SLC9C2: variants seen among roughly 807,000 people sequenced by gnomAD.
SLC9C2 encodes sodium/hydrogen exchanger 11.
Under a neutral mutation model 140.2 loss-of-function variants are expected in SLC9C2, and 75 were observed. That is an observed-to-expected ratio of 0.53 (90% CI 0.44 to 0.65). SLC9C2 has a LOEUF of 0.65. SLC9C2 is among the 30% of genes least tolerant of loss of function. The pLI is 0.00. For synonymous variants in SLC9C2, 375 were observed against 420.9 expected (o/e 0.89, Z 1.34); for missense variants, 1,074 against 1,331.8 (o/e 0.81, Z 3.01).
In SLC9C2 at chr1:173,582,001, A is replaced by C; in HGVS notation, c.648T>G (p.His216Gln). 1 of 1,523,282 alleles carries C rather than the reference A, an allele frequency of 6.6e-7. No individual in the cohort carries two copies. The highest frequency in any genetic ancestry group is 8.8e-7 in the Non-Finnish European group (1 of 1,131,726). The allele number at this position is 1,523,282 out of a possible 1,614,324, so 94.4% of individuals were successfully genotyped here. A position where few individuals can be genotyped will look rare whatever the true frequency, so the allele number is the denominator to read the frequency against. The change falls in exon 7 of 28, where the codon CAT (histidine) becomes CAG (glutamine). Residue 216 changes from histidine to glutamine, a missense_variant. Physicochemically the swap from His to Gln is conservative, Grantham distance 24. Coordinates refer to ENST00000367714, the MANE Select transcript of SLC9C2 (RefSeq NM_178527.4). ...RIHFSIFRDL[H>Q]VGIELSYDIL... ...TGTCATAGCTGAGTTCAATGCCTAC[A>C]TGTAAATCTAAAAAAAAGAAAGAAA... is the stretch of plus-strand genomic sequence containing the variant.
At chr1:173,501,432 C>T (rs912536485) in intron 27 of SLC9C2, among the ~76,000 whole-genome samples, 4 of 150,056 alleles carry the variant, frequency 2.7e-5, no homozygotes, top group African/African-American at 4.9e-5. Flanking sequence ...TTTTGTAAAT[C>T]GGAATGGGAA....
At chr1:173,587,880 A>C in intron 4 of SLC9C2, 50 bp from the exon 5 acceptor site, 2 of 1,400,306 alleles carry the variant, frequency 1.4e-6, no homozygotes, top group Non-Finnish European at 2.0e-6. Context: ...TAAAGATGGC[A>C]TGATGGCATT....
intron 4 of SLC9C2, among the ~76,000 whole-genome samples, chr1:173,595,471 C>G (rs1666394532): frequency 6.6e-6 from 1 of 152,224 alleles, no homozygotes; most frequent in East Asian, 1.9e-4. Flanking sequence ...GCCAAACTAT[C>G]TTCTTAGGGT....
At chr1:173,588,265 A>G (rs1165739161) in intron 4 of SLC9C2, among the ~76,000 whole-genome samples, 1 of 152,224 alleles carries the variant, frequency 6.6e-6, no homozygotes, top group Non-Finnish European at 1.5e-5. Flanking sequence ...TAGTTGTAAA[A>G]TAAGTAGTTC....
chr1:173,577,671 T>C (rs1177258979), intron 7 of SLC9C2, among the ~76,000 whole-genome samples: 1 of 152,194 alleles, frequency 6.6e-6, no homozygotes, highest in African/African-American at 2.4e-5. Context: ...AAAATAGTTA[T>C]GACTCATACA....
At chr1:173,530,087 T>C in intron 17 of SLC9C2, 33 bp from the exon 18 acceptor site, 1 of 1,561,350 alleles carries the variant, frequency 6.4e-7, no homozygotes, top group Non-Finnish European at 8.6e-7. Context: ...AAAAAACCTG[T>C]ACATTTGATG....
intron 5 of SLC9C2, among the ~76,000 whole-genome samples, chr1:173,587,387 C>A (rs758375062): frequency 3.3e-5 from 5 of 151,988 alleles, no homozygotes; most frequent in Non-Finnish European, 7.4e-5. Context: ...AATAATAATG[C>A]CAATTTTTAT....
intron 27 of SLC9C2, among the ~76,000 whole-genome samples, chr1:173,501,505 CTTTT>C (rs35363966): frequency 3.1e-5 from 3 of 96,338 alleles, no homozygotes; most frequent in African/African-American, 8.0e-5. Flanking sequence ...TTATTTGACT[CTTTT>C]TTTTTTTTTT....
intron 3 of SLC9C2, 112 bp downstream of exon 3, chr1:173,600,005 G>T: frequency 3.3e-6 from 2 of 610,354 alleles, no homozygotes; most frequent in African/African-American, 1.9e-5. Context: ...AAAATTTTTT[G>T]AGTAGCTGTT....
In SLC9C2 at chr1:173,506,937, G is replaced by T. The variant is rs1242997552; in HGVS notation, c.3144C>A (p.Ile1048=). ...IIDNMTMKFV[I]IVYGSVIDTK... Reference sequence around the variant, plus strand: ...TATCAATTACACTGCCATACACAATGATAACAAATTTCATGGTCATATTAT... The same window carrying T: ...TATCAATTACACTGCCATACACAATTATAACAAATTTCATGGTCATATTAT... The change falls in exon 25 of 28, where the codon ATC becomes ATA. Residue 1048 remains isoleucine (I), a synonymous_variant. Coordinates refer to ENST00000367714, the MANE Select transcript of SLC9C2 (RefSeq NM_178527.4). The T allele has an allele frequency of 6.2e-7, 1 of 1,613,482 alleles. No homozygotes were observed. The highest frequency in any genetic ancestry group is 8.5e-7 in the Non-Finnish European group (1 of 1,179,762).
intron 17 of SLC9C2, among the ~76,000 whole-genome samples, chr1:173,530,452 C>T (rs985150247): frequency 2.6e-5 from 4 of 152,188 alleles, no homozygotes; most frequent in Non-Finnish European, 4.4e-5. Flanking sequence ...CTGAACAAAT[C>T]GTCTCTCTGT....
rs143109399 is a variant in SLC9C2, at chr1:173,519,007, A to G, written c.2740-1303T>C. Among the ~76,000 whole-genome samples the G allele has an allele frequency of 4.4e-3, 666 of 152,242 alleles. 5 individuals carry two copies. Among genetic ancestry groups the G allele is most frequent in the African/African-American group, 0.015 (633 of 41,538 alleles). ...TTAAGGTTGCTAATTGGCTGACCTTAAAAAGATGATTTTTGGAGTTAAGGC... is the reference window on the plus strand; with the variant it reads ...TTAAGGTTGCTAATTGGCTGACCTTGAAAAGATGATTTTTGGAGTTAAGGC... On this transcript the variant is annotated intron_variant, in intron 22 of 27. Transcript: ENST00000367714.
At chr1:173,573,148 GT>G (rs920072077) in intron 9 of SLC9C2, 33 bp downstream of exon 9, 5 of 1,422,244 alleles carry the variant, frequency 3.5e-6, no homozygotes, top group Admixed American at 2.2e-5. Context: ...GAGAATCTCA[GT>G]TTAGTAAACA....
Position 173,573,304 on chromosome 1 carries a change from A to G in SLC9C2, c.924T>C (p.Ser308=). ...AAGCATATATTAAATGTTCATATAC[A>G]GATGAAAAAATTCTTAAGAACCTAG... ...VITKFLRIFS[S]VYEHLIYAFF... The change falls in exon 9 of 28, where the codon TCT becomes TCC. Residue 308 remains serine (S), a synonymous_variant. Transcript: ENST00000367714. 6.5e-7 allele frequency: 1 copy of G among 1,531,496 alleles called. No homozygotes were observed. The highest frequency in any genetic ancestry group is 8.9e-7 in the Non-Finnish European group (1 of 1,125,298). The allele number at this position is 1,531,496 out of a possible 1,614,324, so 94.9% of individuals were successfully genotyped here. A position where few individuals can be genotyped will look rare whatever the true frequency, so the allele number is the denominator to read the frequency against.
intron 9 of SLC9C2, among the ~76,000 whole-genome samples, chr1:173,570,025 A>G (rs1011487482): frequency 6.6e-6 from 1 of 152,096 alleles, no homozygotes; most frequent in Admixed American, 6.5e-5. Context: ...CCAGCTTTTA[A>G]TGAATGCTGC....
At chr1:173,599,392 T>TTTTTTTTTG (rs1666641741) in intron 3 of SLC9C2, among the ~76,000 whole-genome samples, 1 of 139,322 alleles carries the variant, frequency 7.2e-6, no homozygotes. Flanking sequence ...TTTTTTTTTT[T>TTTTTTTTTG]GAGACGGAGT....
intron 13 of SLC9C2, among the ~76,000 whole-genome samples, chr1:173,546,410 G>C (rs6425245): frequency 6.6e-6 from 1 of 151,338 alleles, no homozygotes; most frequent in Non-Finnish European, 1.5e-5. Context: ...CCAAAACCTC[G>C]TCTGTACTAA....
chr1:173,571,338 CCT>C (rs540440689), intron 9 of SLC9C2, among the ~76,000 whole-genome samples: 253 of 152,244 alleles, frequency 1.7e-3, no homozygotes, highest in African/African-American at 5.8e-3. Flanking sequence ...CCTGCTCTCC[CCT>C]CTCTCTGTTT....
intron 9 of SLC9C2, among the ~76,000 whole-genome samples, chr1:173,565,791 T>C (rs1664430283): frequency 6.6e-6 from 1 of 152,206 alleles, no homozygotes; most frequent in Admixed American, 6.5e-5. Context: ...CTCTAGATCA[T>C]TTTAGATAGT....
Sources: allele counts gnomAD v4.1 joint callset (sites outside exome capture counted in the v4.1 genomes callset), GRCh38; gene constraint gnomAD v4.1.1; transcripts MANE v1.5; gene names NCBI Gene and HGNC (gene_info 2026-07-23, HGNC 2026-07-21).